Variants in GSE1 observed in about 807,000 individuals in gnomAD.
The protein encoded by GSE1 is Gse1 coiled-coil protein.
A neutral mutation model predicts 112.6 loss-of-function variants in GSE1; 32 were observed. The ratio of observed to expected loss-of-function variants is 0.28; its 90% confidence interval spans 0.21 to 0.38. The LOEUF is 0.38. Among genes scored for constraint, GSE1 ranks in the 10% least tolerant of loss-of-function variants. GSE1 has a pLI of 1.00. For synonymous variants in GSE1, 1,115 were observed against 735.6 expected (o/e 1.52, Z -8.35); for missense variants, 2,348 against 1,699.2 (o/e 1.38, Z -6.71).
At chr16:85,580,842 A>T (rs1315884146) in intron 1 of GSE1, among the ~76,000 whole-genome samples, 1 of 152,254 alleles carries the variant, frequency 6.6e-6, no homozygotes, top group African/African-American at 2.4e-5. Context: ...AGCCGTCTGC[A>T]ATCCAAGCAG....
At chr16:85,516,316 C>T (rs895041020) in intron 2 of GSE1, among the ~76,000 whole-genome samples, 8 of 147,894 alleles carry the variant, frequency 5.4e-5, no homozygotes, top group African/African-American at 1.2e-4. Flanking sequence ...GAGACAGAGC[C>T]GGCACCCACT....
At chr16:85,380,753 T>A (rs974620387) in intron 2 of GSE1, among the ~76,000 whole-genome samples, 1 of 152,170 alleles carries the variant, frequency 6.6e-6, no homozygotes, top group Non-Finnish European at 1.5e-5. Context: ...CAAGCCGCAA[T>A]CCATCATCCA....
intron 2 of GSE1, among the ~76,000 whole-genome samples, chr16:85,404,750 A>G (rs1488649913): frequency 4.1e-5 from 1 of 24,642 alleles, no homozygotes; most frequent in Non-Finnish European, 6.4e-5. Context: ...TCACCGTTAC[A>G]CTCAGGGCCC....
At chr16:85,214,979 G>A (rs2075285331) in intron 1 of GSE1, among the ~76,000 whole-genome samples, 1 of 152,212 alleles carries the variant, frequency 6.6e-6, no homozygotes, top group South Asian at 2.1e-4. Flanking sequence ...GGTGGCGGGT[G>A]GGTGGAGACA....
At chr16:85,584,394 C>A (rs1358080626) in intron 1 of GSE1, among the ~76,000 whole-genome samples, 1 of 152,196 alleles carries the variant, frequency 6.6e-6, no homozygotes, top group African/African-American at 2.4e-5. Flanking sequence ...CACACCCCGC[C>A]TTCCCTCCAC....
chr16:85,393,131 C>T (rs988100992), intron 2 of GSE1, among the ~76,000 whole-genome samples: 1 of 152,192 alleles, frequency 6.6e-6, no homozygotes, highest in African/African-American at 2.4e-5. Context: ...GCGCTGGGCA[C>T]GGTGGTGCGC....
At chr16:85,470,369 C>T (rs1222471260) in intron 2 of GSE1, among the ~76,000 whole-genome samples, 1 of 152,228 alleles carries the variant, frequency 6.6e-6, no homozygotes, top group Non-Finnish European at 1.5e-5. Flanking sequence ...CTGGGCAGAG[C>T]TGGGGCTCAG....
At chr16:85,256,722 C>T (rs551086001) in intron 1 of GSE1, among the ~76,000 whole-genome samples, 109 of 152,402 alleles carry the variant, frequency 7.2e-4, no homozygotes, top group Non-Finnish European at 1.4e-3. Flanking sequence ...GAGGTGTTGT[C>T]AGCCCTGGGG....
intron 8 of GSE1, among the ~76,000 whole-genome samples, chr16:85,660,633 T>C (rs1212546944): frequency 1.3e-5 from 2 of 151,988 alleles, no homozygotes; most frequent in Admixed American, 6.5e-5. Context: ...AGTGAGTCTT[T>C]TTTTTTGTTT....
chr16:85,670,260 T>C (rs921946499), intron 14 of GSE1, among the ~76,000 whole-genome samples: 12 of 152,332 alleles, frequency 7.9e-5, no homozygotes, highest in Admixed American at 2.6e-4. Flanking sequence ...TGAATTTGTC[T>C]GATTGTCTTG....
chr16:85,203,747 T>A (rs2075069352), intron 1 of GSE1, among the ~76,000 whole-genome samples: 1 of 152,208 alleles, frequency 6.6e-6, no homozygotes, highest in Non-Finnish European at 1.5e-5. Context: ...TACAAAACTT[T>A]ACTTATTTGA....
intron 1 of GSE1, among the ~76,000 whole-genome samples, chr16:85,281,044 A>T (rs959974045): frequency 6.6e-6 from 1 of 152,130 alleles, no homozygotes; most frequent in African/African-American, 2.4e-5. Context: ...GAAGTTTGAG[A>T]TGAACGGCTC....
At chr16:85,462,110 G>C (rs2049984598) in intron 2 of GSE1, among the ~76,000 whole-genome samples, 1 of 152,056 alleles carries the variant, frequency 6.6e-6, no homozygotes, top group Non-Finnish European at 1.5e-5. Flanking sequence ...CTGCAGGGCT[G>C]TGGGCACCGG....
chr16:85,436,877 G>C (rs993414654), intron 2 of GSE1, among the ~76,000 whole-genome samples: 13 of 152,244 alleles, frequency 8.5e-5, no homozygotes, highest in African/African-American at 2.9e-4. Context: ...CCACGCAGTG[G>C]GCGGCCCGGG....
Position 85,441,225 on chromosome 16 carries a change from C to A in GSE1, c.2464+83582C>A, listed in dbSNP as rs550623195. Among the ~76,000 whole-genome samples, 31 of 152,328 alleles carry A rather than the reference C, an allele frequency of 2.0e-4. No homozygotes were observed. In the South Asian group the frequency reaches 6.4e-3, roughly 32 times the overall value. Reference sequence around the variant, plus strand: ...GATTGTAGGACGTTTAGCACCATCTCTGGCCTCGACCCACCAGATGTCAGT... The same window carrying A: ...GATTGTAGGACGTTTAGCACCATCTATGGCCTCGACCCACCAGATGTCAGT... On this transcript the variant is annotated intron_variant, in intron 2 of 2. Coordinates refer to the GSE1 transcript ENST00000637419.
At position 85,657,319 on chromosome 16, in the gene GSE1, A is replaced by G. The variant is rs973230229; in HGVS notation, c.1355A>G (p.Gln452Arg). The G allele has an allele frequency of 6.2e-7, 1 of 1,602,634 alleles. No individual in the cohort carries two copies. The highest frequency in any genetic ancestry group is 1.3e-5 in the African/African-American group (1 of 74,460). Residue 452 changes from glutamine to arginine, a missense_variant, in exon 8 of 16, where the codon CAA becomes CGA. Physicochemically the swap from Gln to Arg is conservative, Grantham distance 43 (BLOSUM62 1). Coordinates refer to ENST00000253458, the MANE Select transcript of GSE1 (RefSeq NM_014615.5). Reference sequence around the variant, plus strand: ...GGCCTGCAGGCGCCCAAGCCCGTCCAACACCCCTTGCATCCGGTGCCCACC... The same window carrying G: ...GGCCTGCAGGCGCCCAAGCCCGTCCGACACCCCTTGCATCCGGTGCCCACC... ...DAGLQAPKPVQHPLHPVPTPH... is the reference protein window; with the variant it reads ...DAGLQAPKPVRHPLHPVPTPH...
intron 2 of GSE1, among the ~76,000 whole-genome samples, chr16:85,646,347 A>G (rs1232877931): frequency 6.6e-6 from 1 of 152,234 alleles, no homozygotes; most frequent in African/African-American, 2.4e-5. Flanking sequence ...ACACCTCCTC[A>G]GATGGCAGCA....
At chr16:85,272,657 G>A (rs557730242) in intron 1 of GSE1, among the ~76,000 whole-genome samples, 1 of 136,090 alleles carries the variant, frequency 7.3e-6, no homozygotes, top group South Asian at 2.3e-4. Flanking sequence ...GCCCCTGGCA[G>A]TGCTGGGGGC....
chr16:85,338,285 G>C (rs537412350), intron 1 of GSE1, among the ~76,000 whole-genome samples: 38 of 152,378 alleles, frequency 2.5e-4, no homozygotes, highest in African/African-American at 9.1e-4. Flanking sequence ...GGTGCATTCA[G>C]CTGGTGAACC....
Sources: gnomAD v4.1 joint callset for allele counts (sites outside exome capture counted in the v4.1 genomes callset) on GRCh38, gnomAD v4.1.1 for gene constraint, MANE v1.5 for transcripts, NCBI Gene and HGNC (gene_info 2026-07-23, HGNC 2026-07-21) for gene names.